The following PBX3 variants were observed in gnomAD, a reference collection of about 807,000 sequenced individuals.
PBX3 encodes the protein pre-B-cell leukemia transcription factor 3.
In PBX3, 14 loss-of-function variants were observed where a neutral mutation model predicts 48.5. The ratio of observed to expected loss-of-function variants is 0.29; its 90% confidence interval spans 0.19 to 0.45. The LOEUF (loss-of-function observed/expected upper bound fraction) is 0.45, where lower values mean the gene tolerates loss of function less well. Among genes scored for constraint, PBX3 ranks in the 20% least tolerant of loss-of-function variants. The pLI is 1.00. For synonymous variants in PBX3, 210 were observed against 200.3 expected (o/e 1.05, Z -0.41); for missense variants, 386 against 546.7 (o/e 0.71, Z 2.93).
intron 2 of PBX3, among the ~76,000 whole-genome samples, chr9:125,777,552 C>T (rs1161731612): frequency 5.4e-5 from 8 of 149,096 alleles, no homozygotes; most frequent in South Asian, 4.3e-4. Flanking sequence ...TTAGTAGAGA[C>T]GGGGTTTTAC....
At chr9:125,779,794 G>C (rs1178700077) in intron 2 of PBX3, among the ~76,000 whole-genome samples, 71 of 146,774 alleles carry the variant, frequency 4.8e-4, no homozygotes, top group African/African-American at 1.8e-3. Context: ...CAGACGAGGT[G>C]GTGGCTGGGC....
chr9:125,763,965 TCA>T (rs773338881), intron 2 of PBX3, among the ~76,000 whole-genome samples: 30 of 152,232 alleles, frequency 2.0e-4, no homozygotes, highest in Non-Finnish European at 3.4e-4. Context: ...CATAAAGAAA[TCA>T]CACATTCTTT....
At chr9:125,881,037 T>G (rs192597731) in intron 2 of PBX3, among the ~76,000 whole-genome samples, 1 of 152,350 alleles carries the variant, frequency 6.6e-6, no homozygotes, top group African/African-American at 2.4e-5. Flanking sequence ...TTTTCAAAAC[T>G]TAAGGGTTTC....
intron 2 of PBX3, among the ~76,000 whole-genome samples, chr9:125,899,928 C>T (rs200766587): frequency 1.0e-4 from 3 of 29,272 alleles, no homozygotes; most frequent in Non-Finnish European, 1.9e-4. Context: ...AAAAGTATTT[C>T]ATTTATAAAC....
intron 2 of PBX3, among the ~76,000 whole-genome samples, chr9:125,766,477 A>G (rs963106301): frequency 5.3e-5 from 8 of 152,086 alleles, no homozygotes; most frequent in African/African-American, 1.9e-4. Flanking sequence ...TAACTTTAAA[A>G]CTATGATAAT....
chr9:125,911,169 C>G (rs2132452260), intron 2 of PBX3, among the ~76,000 whole-genome samples: 1 of 152,204 alleles, frequency 6.6e-6, no homozygotes, highest in South Asian at 2.1e-4. Context: ...GTAATTGTTT[C>G]AAATGAGATC....
At chr9:125,933,752 A>T (rs909846396) in intron 4 of PBX3, among the ~76,000 whole-genome samples, 4 of 152,070 alleles carry the variant, frequency 2.6e-5, no homozygotes, top group Non-Finnish European at 5.9e-5. Flanking sequence ...TGGTATCCCA[A>T]TTTTTCATAA....
chr9:125,771,161 A>G (rs888103936), intron 2 of PBX3, among the ~76,000 whole-genome samples: 2 of 152,224 alleles, frequency 1.3e-5, no homozygotes, highest in East Asian at 3.8e-4. Context: ...AGGCTGGTGC[A>G]TATTTCATTA....
chr9:125,839,523 C>T (rs752950912), intron 2 of PBX3, among the ~76,000 whole-genome samples: 4 of 152,084 alleles, frequency 2.6e-5, no homozygotes, highest in African/African-American at 4.8e-5. Flanking sequence ...CCTGTTGTGC[C>T]GGATGAACTG....
intron 2 of PBX3, among the ~76,000 whole-genome samples, chr9:125,786,968 GCCCA>G (rs201482442): frequency 0.036 from 5,447 of 152,156 alleles, 336 homozygotes; most frequent in African/African-American, 0.12. Flanking sequence ...CAGGTCATCT[GCCCA>G]CCTCGGCCTC....
intron 2 of PBX3, among the ~76,000 whole-genome samples, chr9:125,767,556 G>T (rs1836831642): frequency 6.6e-6 from 1 of 152,128 alleles, no homozygotes. Flanking sequence ...ATGTGAAAGT[G>T]ATAAAAGCAG....
At chr9:125,903,860 A>T (rs1588280454) in intron 2 of PBX3, among the ~76,000 whole-genome samples, 1 of 151,870 alleles carries the variant, frequency 6.6e-6, no homozygotes, top group African/African-American at 2.4e-5. Flanking sequence ...GTAAAGCCAG[A>T]CTGTCCTGCA....
chr9:125,813,718 C>T (rs1000598629), intron 2 of PBX3, among the ~76,000 whole-genome samples: 2 of 152,064 alleles, frequency 1.3e-5, no homozygotes, highest in Admixed American at 1.3e-4. Context: ...TGTCCTAGCC[C>T]TGGAATCAAC....
intron 2 of PBX3, among the ~76,000 whole-genome samples, chr9:125,834,716 G>A (rs1292085050): frequency 1.3e-5 from 2 of 150,312 alleles, no homozygotes; most frequent in Non-Finnish European, 3.0e-5. Context: ...TTACTTGTTT[G>A]TGAAATATTT....
Position 125,914,507 on chromosome 9 carries a change from T to C in PBX3, c.275-1179T>C, listed in dbSNP as rs188852200. ...TTTAGGTTAGCATATAAAATCAGAGTTGGTGATCAGTTGAGTACTTGGCAG... is the reference window on the plus strand; with the variant it reads ...TTTAGGTTAGCATATAAAATCAGAGCTGGTGATCAGTTGAGTACTTGGCAG... On this transcript the variant is annotated intron_variant, in intron 2 of 8. Coordinates refer to ENST00000373489, the MANE Select transcript of PBX3 (RefSeq NM_006195.6). Among the ~76,000 whole-genome samples the C allele has an allele frequency of 2.0e-5, 3 of 152,138 alleles. No homozygotes were observed. The East Asian group carries it at 5.8e-4, about 29-fold the overall frequency.
At chr9:125,949,535 T>C in intron 5 of PBX3, 7 of 1,419,788 alleles carry the variant, frequency 4.9e-6, no homozygotes, top group Non-Finnish European at 6.5e-6. Context: ...TGTGTATATA[T>C]ATATATAGTA....
intron 5 of PBX3, among the ~76,000 whole-genome samples, chr9:125,942,877 A>G (rs1841985639): frequency 6.6e-6 from 1 of 152,220 alleles, no homozygotes. Context: ...GATGAGGCAT[A>G]TCTGCAAGAT....
chr9:125,748,107 G>T (rs1836253304), intron 1 of PBX3: 2 of 376,222 alleles, frequency 5.3e-6, no homozygotes, highest in Non-Finnish European at 7.3e-6. Context: ...TGGCGGGTCC[G>T]GGTGCGGACG....
At chr9:125,869,595 A>G (rs1484553658) in intron 2 of PBX3, among the ~76,000 whole-genome samples, 1 of 152,238 alleles carries the variant, frequency 6.6e-6, no homozygotes, top group East Asian at 1.9e-4. Context: ...AATCAATGAA[A>G]TAATTTCAAA....
Sources: gnomAD v4.1 joint callset for allele counts (sites outside exome capture counted in the v4.1 genomes callset) on GRCh38, gnomAD v4.1.1 for gene constraint, MANE v1.5 for transcripts, NCBI Gene and HGNC (gene_info 2026-07-23, HGNC 2026-07-21) for gene names.